Variants in NCOA2 observed in about 807,000 individuals in gnomAD.
The protein encoded by NCOA2 is nuclear receptor coactivator 2, also known as class E basic helix-loop-helix protein 75.
In NCOA2, 21 loss-of-function variants were observed where a neutral mutation model predicts 145.1. The observed-to-expected ratio is 0.14, with a 90% confidence interval of 0.10 to 0.21. The LOEUF is 0.21. Ranked by LOEUF, NCOA2 falls within the 10% of genes least tolerant of loss-of-function variation. The pLI is 1.00. For synonymous variants in NCOA2, 619 were observed against 637.5 expected, an observed-to-expected ratio of 0.97 and a Z score of 0.44; for missense variants, 1,472 against 1,837.6, an observed-to-expected ratio of 0.80 and a Z score of 3.64.
chr8:70,204,670 T>C (rs1185733979), intron 4 of NCOA2, among the ~76,000 whole-genome samples: 1 of 152,112 alleles, frequency 6.6e-6, no homozygotes, highest in Admixed American at 6.5e-5. Flanking sequence ...TTATTTTACA[T>C]AAACTAAGAA....
At chr8:70,116,333 T>C (rs1157101114) in intron 22 of NCOA2, among the ~76,000 whole-genome samples, 2 of 151,982 alleles carry the variant, frequency 1.3e-5, no homozygotes, top group Non-Finnish European at 2.9e-5. Context: ...AGGCGGATCA[T>C]TTGAGGTCAG....
intron 2 of NCOA2, among the ~76,000 whole-genome samples, chr8:70,266,200 T>C (rs1343733310): frequency 6.6e-6 from 1 of 152,162 alleles, no homozygotes; most frequent in Non-Finnish European, 1.5e-5. Flanking sequence ...TCTTGTTCTG[T>C]CACCGAGGTG....
At chr8:70,356,020 G>A (rs1211273738) in intron 1 of NCOA2, among the ~76,000 whole-genome samples, 5 of 152,070 alleles carry the variant, frequency 3.3e-5, no homozygotes, top group Non-Finnish European at 7.4e-5. Context: ...ACATTTAAAT[G>A]GAACTACTGT....
chr8:70,261,059 C>T (rs1032925820), intron 2 of NCOA2, among the ~76,000 whole-genome samples: 5 of 152,194 alleles, frequency 3.3e-5, no homozygotes, highest in African/African-American at 1.2e-4. Context: ...CCTCAGGGAT[C>T]TAGAACAGGA....
At chr8:70,250,493 C>T (rs1273799151) in intron 2 of NCOA2, among the ~76,000 whole-genome samples, 1 of 151,168 alleles carries the variant, frequency 6.6e-6, no homozygotes, top group African/African-American at 2.4e-5. Context: ...TCATTTGAGC[C>T]CAGGAGGCAG....
intron 2 of NCOA2, among the ~76,000 whole-genome samples, chr8:70,252,394 G>A (rs1823267012): frequency 6.6e-6 from 1 of 152,192 alleles, no homozygotes. Flanking sequence ...GGGCAACATA[G>A]TGAGACACTG....
chr8:70,258,746 T>C (rs1377521394), intron 2 of NCOA2, among the ~76,000 whole-genome samples: 2 of 152,202 alleles, frequency 1.3e-5, no homozygotes, highest in African/African-American at 4.8e-5. Flanking sequence ...TAGCACCAAG[T>C]TATTAGGTTA....
rs200207132 is a variant in NCOA2 at position 70,216,622 on chromosome 8, C to T, written c.86+38G>A. 23 of 1,510,902 alleles carry T rather than the reference C, an allele frequency of 1.5e-5. No homozygotes were observed. In the South Asian group the frequency reaches 1.7e-4, roughly 11 times the overall value. The allele number at this position is 1,510,902 out of a possible 1,614,324, so 93.6% of individuals were successfully genotyped here. A position where few individuals can be genotyped will look rare whatever the true frequency, so the allele number is the denominator to read the frequency against. On this transcript the variant is annotated intron_variant, in intron 3 of 22. Transcript: ENST00000452400. Reference sequence around the variant, plus strand: ...CAAAGAAGCACTCATGTGGCTTTAACAGACAATACTGATTCCTTTTCTCAG... The same window carrying T: ...CAAAGAAGCACTCATGTGGCTTTAATAGACAATACTGATTCCTTTTCTCAG...
At chr8:70,130,976 G>C (rs1191202881) in intron 16 of NCOA2, among the ~76,000 whole-genome samples, 1 of 152,154 alleles carries the variant, frequency 6.6e-6, no homozygotes, top group Non-Finnish European at 1.5e-5. Context: ...ATTGCTATCA[G>C]GTACTCTAAA....
intron 1 of NCOA2, among the ~76,000 whole-genome samples, chr8:70,344,574 C>T (rs1428025572): frequency 6.6e-6 from 1 of 152,158 alleles, no homozygotes; most frequent in Non-Finnish European, 1.5e-5. Flanking sequence ...ATTAAATGGG[C>T]CCTCTTATGC....
At chr8:70,146,892 T>C (rs1426956635) in intron 12 of NCOA2, among the ~76,000 whole-genome samples, 1 of 151,680 alleles carries the variant, frequency 6.6e-6, no homozygotes, top group East Asian at 2.0e-4. Context: ...GGTTTCACCA[T>C]GTTGGCCAGG....
At chr8:70,424,536 C>G in the NCOA2 span, 1 of 529,596 alleles carries the variant, frequency 1.9e-6, no homozygotes, top group Admixed American at 1.9e-5. Context: ...GTTGAGTACT[C>G]GCAAAATATG....
intron 10 of NCOA2, among the ~76,000 whole-genome samples, chr8:70,157,815 T>G (rs1812455516): frequency 6.6e-6 from 1 of 152,182 alleles, no homozygotes; most frequent in South Asian, 2.1e-4. Context: ...GTTTAACAGA[T>G]TTCCACTCAT....
chr8:70,242,382 T>C (rs148657734), intron 2 of NCOA2, among the ~76,000 whole-genome samples: 15 of 152,286 alleles, frequency 9.8e-5, no homozygotes, highest in African/African-American at 3.4e-4. Context: ...TGTATGTTTA[T>C]GTTGTACTAT....
chr8:70,421,407 A>G, the NCOA2 span, among the ~76,000 whole-genome samples: 1 of 151,944 alleles, frequency 6.6e-6, no homozygotes, highest in Non-Finnish European at 1.5e-5. Flanking sequence ...AACACAAAAC[A>G]ATTAGCCAGG....
chr8:70,249,977 AAAGAAGAAG>A lies in NCOA2; in HGVS notation c.-19-33222_-19-33214del, dbSNP rs1554606850. Among the ~76,000 whole-genome samples, 84 of 137,972 alleles carry A rather than the reference AAAGAAGAAG, an allele frequency of 6.1e-4. 1 individual carries two copies. The highest frequency in any genetic ancestry group is 8.8e-4 in the South Asian group (4 of 4,558). 90.5% of individuals were successfully genotyped at this position (137,972 alleles called of 152,430 possible). A position where few individuals can be genotyped will look rare whatever the true frequency, so the allele number is the denominator to read the frequency against. On this transcript the variant is annotated intron_variant, in intron 2 of 22. Transcript: ENST00000452400. ...GAATCTGCCTCCAAAAAAAAAAAAA[AAAGAAGAAG>A]AAGAAGAAGAAGAAGACCAAAAAAT...
intron 1 of NCOA2, among the ~76,000 whole-genome samples, chr8:70,366,544 T>A (rs930743542): frequency 6.0e-5 from 9 of 151,210 alleles, no homozygotes; most frequent in African/African-American, 1.2e-4. Flanking sequence ...TATGTATATA[T>A]TAATGTTATT....
At chr8:70,331,509 A>G (rs1397285108) in intron 1 of NCOA2, among the ~76,000 whole-genome samples, 1 of 152,110 alleles carries the variant, frequency 6.6e-6, no homozygotes, top group African/African-American at 2.4e-5. Context: ...TCATAGCTAC[A>G]AGTAACAGAT....
intron 1 of NCOA2, among the ~76,000 whole-genome samples, chr8:70,357,835 G>A (rs866292323): frequency 2.0e-5 from 3 of 152,174 alleles, no homozygotes; most frequent in East Asian, 1.9e-4. Flanking sequence ...TGGATCACCC[G>A]AAGTCAGGAG....
Sources: gnomAD v4.1 joint callset for allele counts (sites outside exome capture counted in the v4.1 genomes callset) on GRCh38, gnomAD v4.1.1 for gene constraint, MANE v1.5 for transcripts, NCBI Gene and HGNC (gene_info 2026-07-23, HGNC 2026-07-21) for gene names.